Variants in CCDC150 observed in about 807,000 individuals in gnomAD.
CCDC150 encodes the protein coiled-coil domain containing 150.
A neutral mutation model predicts 156.5 loss-of-function variants in CCDC150; 151 were observed. The ratio of observed to expected loss-of-function variants is 0.97; its 90% CI spans 0.85 to 1.10. The LOEUF is 1.10. Ranked by LOEUF, CCDC150 falls within the 50% of genes least tolerant of loss-of-function variation. The pLI, the probability that CCDC150 is intolerant of heterozygous loss-of-function variation, is 0.00. For missense variants in CCDC150, 1,312 were observed against 1,268.1 expected, an observed-to-expected ratio of 1.03 and a Z score of -0.53; for synonymous variants, 452 against 429.4, an observed-to-expected ratio of 1.05 and a Z score of -0.65.
rs1391967666 is a variant in CCDC150, at chr2:196,725,975, A to ACCAT, written c.2434_2435insATCC (p.Arg812HisfsTer5). The stretch of plus-strand genomic sequence containing the variant: ...ATCACCTCTCTTCTTCAAAACAGAG[A>ACCAT]CCGGATGACTGAAGAGTCCAAAGTG... On this transcript the variant is annotated frameshift_variant, in exon 22 of 28. Coordinates refer to ENST00000389175, the MANE Select transcript of CCDC150 (RefSeq NM_001080539.2). LOFTEE classifies it high-confidence loss of function. 1 of 1,593,472 alleles carries ACCAT rather than the reference A, an allele frequency of 6.3e-7. No homozygotes were observed.
intron 1 of CCDC150, among the ~76,000 whole-genome samples, chr2:196,642,822 C>A (rs1394422987): frequency 6.6e-6 from 1 of 152,202 alleles, no homozygotes; most frequent in Non-Finnish European, 1.5e-5. Flanking sequence ...TCACTGCAGC[C>A]TCTACCTCCT....
At chr2:196,690,777 T>C (rs930711371) in intron 13 of CCDC150, among the ~76,000 whole-genome samples, 33 of 152,216 alleles carry the variant, frequency 2.2e-4, no homozygotes, top group African/African-American at 7.7e-4. Flanking sequence ...ATGCTTGTCT[T>C]GTGCCAGTTT....
At chr2:196,641,938 G>GA (rs1692255637) in intron 1 of CCDC150, among the ~76,000 whole-genome samples, 1 of 152,072 alleles carries the variant, frequency 6.6e-6, no homozygotes, top group Non-Finnish European at 1.5e-5. Flanking sequence ...AAAGTCATCT[G>GA]GTTTTTACTA....
At position 196,676,602 on chromosome 2, in the gene CCDC150, T is replaced by A. The variant is rs569974356; in HGVS notation, c.1311T>A (p.Asp437Glu). 6.2e-7 allele frequency: 1 copy of A among 1,613,766 alleles called. No homozygotes were observed. Among genetic ancestry groups the A allele is most frequent in the Non-Finnish European group, 8.5e-7 (1 of 1,179,742 alleles). ...EHNQCIQKAQ[D>E]AEKRTAVQKE... is the part of the protein sequence containing the mutation. The stretch of plus-strand genomic sequence containing the variant: ...ACCAGTGTATCCAGAAAGCACAGGA[T>A]GCTGAAAAGAGAACAGCTGTGCAAA... Residue 437 changes from aspartate (D) to glutamate (E), a missense_variant, in exon 12 of 28, where the codon GAT (aspartate) becomes GAA (glutamate). Asp to Glu is a conservative substitution (Grantham distance 45, BLOSUM62 2). Coordinates refer to ENST00000389175, the MANE Select transcript of CCDC150 (RefSeq NM_001080539.2).
At chr2:196,667,220 T>G (rs1444532135) in intron 7 of CCDC150, 2 of 258,688 alleles carry the variant, frequency 7.7e-6, no homozygotes, top group South Asian at 5.3e-5. Flanking sequence ...TGATGACTTA[T>G]GGATTCTGTC....
At chr2:196,689,509 T>A (rs2125640786) in intron 13 of CCDC150, among the ~76,000 whole-genome samples, 1 of 152,194 alleles carries the variant, frequency 6.6e-6, no homozygotes, top group South Asian at 2.1e-4. Flanking sequence ...TTGAAGCAAT[T>A]GTGAATGGGA....
chr2:196,667,633 G>T (rs1031681404), intron 7 of CCDC150: 1 of 152,226 alleles, frequency 6.6e-6, no homozygotes, highest in Non-Finnish European at 1.5e-5. Context: ...AGGAAAAAAT[G>T]GCAAAGTAAG....
intron 13 of CCDC150, among the ~76,000 whole-genome samples, chr2:196,689,429 G>A (rs946098174): frequency 2.0e-5 from 3 of 150,012 alleles, no homozygotes; most frequent in African/African-American, 7.3e-5. Context: ...ATTGAGCAGT[G>A]GTTTGTAGTT....
At chr2:196,697,265 TCTG>T (rs1695885937) in intron 14 of CCDC150, among the ~76,000 whole-genome samples, 1 of 152,222 alleles carries the variant, frequency 6.6e-6, no homozygotes, top group South Asian at 2.1e-4. Context: ...AATATTATTC[TCTG>T]CTATTTCTTT....
At position 196,712,723 on chromosome 2, in the gene CCDC150, A is replaced by C. The variant is rs1178127009; in HGVS notation, c.1850A>C (p.Asp617Ala). 4.3e-6 allele frequency: 7 copies of C among 1,610,898 alleles called. No homozygotes were observed. The highest frequency in any genetic ancestry group is 5.9e-6 in the Non-Finnish European group (7 of 1,178,360). The change falls in exon 17 of 28, where the codon GAT becomes GCT. Residue 617 changes from aspartate (D) to alanine (A), a missense_variant. By Grantham distance (126) the Asp-to-Ala change is moderately radical. Coordinates refer to ENST00000389175, the MANE Select transcript of CCDC150 (RefSeq NM_001080539.2). The part of the protein sequence containing the change: ...SAKRVHLQQA[D>A]AHLKEVKSIL... The stretch of plus-strand genomic sequence containing the variant: ...AAGAGGGTACACCTGCAGCAGGCAG[A>C]TGCTCACCTGAAAGAAGTATTGGTA...
intron 13 of CCDC150, among the ~76,000 whole-genome samples, chr2:196,690,828 A>G (rs1212728546): frequency 6.6e-6 from 1 of 152,100 alleles, no homozygotes; most frequent in Non-Finnish European, 1.5e-5. Flanking sequence ...TCAGTATGAT[A>G]TTGGCTGTGG....
At chr2:196,694,936 CAT>C (rs1325712388) in intron 13 of CCDC150, 108 bp from the exon 14 acceptor site, 12 of 570,024 alleles carry the variant, frequency 2.1e-5, no homozygotes, top group Non-Finnish European at 3.7e-5. Flanking sequence ...GGCAAGGAAA[CAT>C]ATGGACAATA....
chr2:196,657,330 CTG>C (rs1190821612), intron 4 of CCDC150, 194 bp downstream of exon 4: 2 of 546,198 alleles, frequency 3.7e-6, no homozygotes, highest in Non-Finnish European at 6.5e-6. Flanking sequence ...TGTGTGCTAT[CTG>C]TGATTGATTA....
chr2:196,711,692 C>T (rs886660340), intron 15 of CCDC150, among the ~76,000 whole-genome samples: 1 of 152,122 alleles, frequency 6.6e-6, no homozygotes, highest in Non-Finnish European at 1.5e-5. Context: ...CAGTGAAACA[C>T]AAGACTCTGC....
At position 196,725,995 on chromosome 2, in the gene CCDC150, A is replaced by C. The variant is rs184083987; in HGVS notation, c.2452A>C (p.Lys818Gln). 6.2e-7 allele frequency: 1 copy of C among 1,601,930 alleles called. No homozygotes were observed. Among genetic ancestry groups the C allele is most frequent in the East Asian group, 2.2e-5 (1 of 44,618 alleles). ...CAGAGACCGGATGACTGAAGAGTCC[A>C]AAGTGGAAGCAGAATTGCATGCTGA... ...TFKDRMTEESKVEAELHAERI... is the reference protein window; with the variant it reads ...TFKDRMTEESQVEAELHAERI... The change falls in exon 22 of 28, where the codon AAA becomes CAA. Residue 818 changes from lysine to glutamine, a missense_variant. Coordinates refer to ENST00000389175, the MANE Select transcript of CCDC150 (RefSeq NM_001080539.2).
At chr2:196,702,670 G>A (rs1696318663) in intron 15 of CCDC150, among the ~76,000 whole-genome samples, 1 of 151,536 alleles carries the variant, frequency 6.6e-6, no homozygotes, top group African/African-American at 2.4e-5. Flanking sequence ...ACTTTTTAAA[G>A]CTACTCAGAT....
At chr2:196,715,183 A>G (rs1365463319) in intron 17 of CCDC150, among the ~76,000 whole-genome samples, 1 of 152,138 alleles carries the variant, frequency 6.6e-6, no homozygotes, top group Non-Finnish European at 1.5e-5. Flanking sequence ...GCTTGTACAC[A>G]TGACATGTAT....
chr2:196,645,752 C>T (rs1692498295), intron 1 of CCDC150, among the ~76,000 whole-genome samples: 2 of 152,092 alleles, frequency 1.3e-5, no homozygotes, highest in African/African-American at 4.8e-5. Context: ...GTTAAGGTTG[C>T]ATGTTATTTT....
intron 2 of CCDC150, among the ~76,000 whole-genome samples, chr2:196,650,926 T>C (rs901064238): frequency 1.3e-5 from 2 of 152,150 alleles, no homozygotes; most frequent in African/African-American, 2.4e-5. Flanking sequence ...TTTTATTTGA[T>C]AGGAGGAAAC....
Sources: allele counts gnomAD v4.1 joint callset (sites outside exome capture counted in the v4.1 genomes callset), GRCh38; gene constraint gnomAD v4.1.1; transcripts MANE v1.5; gene names NCBI Gene and HGNC (gene_info 2026-07-23, HGNC 2026-07-21).